Variants in TRPM3 observed in about 807,000 individuals in gnomAD.
TRPM3 encodes the protein transient receptor potential cation channel subfamily M member 3, also known as long transient receptor potential channel 3.
Under a neutral mutation model 181.2 loss-of-function variants are expected in TRPM3, and 77 were observed. The ratio of observed to expected loss-of-function variants is 0.42; its 90% CI spans 0.35 to 0.51. TRPM3 has a LOEUF of 0.51. Ranked by LOEUF, TRPM3 falls within the 20% of genes least tolerant of loss-of-function variation. The pLI is 0.01. For synonymous variants in TRPM3, 745 were observed against 796.4 expected (o/e 0.94, Z 1.09); for missense variants, 1,759 against 2,196.7 (o/e 0.80, Z 3.98).
intron 1 of TRPM3, among the ~76,000 whole-genome samples, chr9:71,257,170 AG>A (rs1388461666): frequency 6.6e-6 from 1 of 152,204 alleles, no homozygotes; most frequent in African/African-American, 2.4e-5. Context: ...GATGGACCAG[AG>A]GAGAAACCCT....
chr9:71,103,363 C>T (rs1193626154), intron 1 of TRPM3, among the ~76,000 whole-genome samples: 4 of 152,120 alleles, frequency 2.6e-5, no homozygotes, highest in Admixed American at 6.6e-5. Flanking sequence ...TCTCTTATTA[C>T]CTGAGTATCC....
chr9:70,910,432 G>T (rs1370870292), intron 1 of TRPM3, among the ~76,000 whole-genome samples: 1 of 152,140 alleles, frequency 6.6e-6, no homozygotes, highest in Non-Finnish European at 1.5e-5. Context: ...GATATTTAAG[G>T]TGCTGTCTGA....
chr9:71,054,636 G>A (rs977150271), intron 1 of TRPM3, among the ~76,000 whole-genome samples: 5 of 152,010 alleles, frequency 3.3e-5, no homozygotes, highest in Admixed American at 2.0e-4. Flanking sequence ...CTAAAACCAC[G>A]CCATATCTTT....
At chr9:70,903,034 A>G (rs1343783537) in intron 1 of TRPM3, among the ~76,000 whole-genome samples, 2 of 152,230 alleles carry the variant, frequency 1.3e-5, no homozygotes, top group East Asian at 3.9e-4. Flanking sequence ...GGATGTAAAG[A>G]TGTTATCCAC....
chr9:70,961,406 G>C (rs369022790), intron 1 of TRPM3, among the ~76,000 whole-genome samples: 1 of 152,104 alleles, frequency 6.6e-6, no homozygotes, highest in African/African-American at 2.4e-5. Flanking sequence ...GCAGTCATTT[G>C]TTACAGCAGC....
intron 1 of TRPM3, among the ~76,000 whole-genome samples, chr9:70,990,976 G>T (rs2097477866): frequency 6.6e-6 from 1 of 152,116 alleles, no homozygotes; most frequent in African/African-American, 2.4e-5. Context: ...AATAACTGTT[G>T]TTGCAATGTT....
At chr9:71,107,839 AT>A (rs1425748604) in intron 1 of TRPM3, among the ~76,000 whole-genome samples, 3 of 152,152 alleles carry the variant, frequency 2.0e-5, no homozygotes, top group Non-Finnish European at 4.4e-5. Context: ...AATCATAAAA[AT>A]TTTTTACCCC....
chr9:70,669,723 TTTC>T (rs1188722829), intron 9 of TRPM3, among the ~76,000 whole-genome samples: 1 of 146,572 alleles, frequency 6.8e-6, no homozygotes, highest in Admixed American at 6.8e-5. Flanking sequence ...TTTCTTTTCT[TTTC>T]TTTCTTTCTT....
intron 1 of TRPM3, among the ~76,000 whole-genome samples, chr9:70,994,012 G>A (rs188492288): frequency 7.9e-5 from 12 of 152,094 alleles, no homozygotes; most frequent in Non-Finnish European, 1.3e-4. Context: ...GGTACAACTA[G>A]GGAGTGAGAA....
intron 1 of TRPM3, among the ~76,000 whole-genome samples, chr9:71,020,677 T>C (rs1273731040): frequency 1.3e-5 from 2 of 152,128 alleles, no homozygotes; most frequent in East Asian, 1.9e-4. Flanking sequence ...CACAATGAGA[T>C]AAAAACATCT....
intron 1 of TRPM3, among the ~76,000 whole-genome samples, chr9:70,965,609 T>G (rs1366091222): frequency 1.3e-5 from 2 of 152,136 alleles, no homozygotes; most frequent in African/African-American, 2.4e-5. Flanking sequence ...GAACCAACCT[T>G]GCATCCCAGG....
At chr9:70,542,102 T>C (rs948457316) in intron 25 of TRPM3, among the ~76,000 whole-genome samples, 1 of 152,144 alleles carries the variant, frequency 6.6e-6, no homozygotes, top group Non-Finnish European at 1.5e-5. Flanking sequence ...GCCTGGGTGA[T>C]ATAGTGAGAC....
chr9:70,792,297 T>G (rs2085640594), intron 6 of TRPM3, among the ~76,000 whole-genome samples: 1 of 152,032 alleles, frequency 6.6e-6, no homozygotes. Context: ...ATGAAGCCTC[T>G]GTTAGTGGTG....
chr9:71,425,228 A>C lies in TRPM3; in HGVS notation c.183+21425T>G, dbSNP rs72735854. Among the ~76,000 whole-genome samples, 58 of 152,162 alleles carry C rather than the reference A, an allele frequency of 3.8e-4. 1 individual carries two copies. The South Asian group carries it at 0.011, about 29-fold the overall frequency. ...TAACATCATGTGTTCATGGGCTTTA[A>C]TATCACCCATAAACTGATAATACCC... On this transcript the variant is annotated intron_variant, in intron 1 of 24. Transcript: ENST00000357533.
chr9:70,780,180 T>C (rs1233813280), intron 7 of TRPM3, among the ~76,000 whole-genome samples: 1 of 152,184 alleles, frequency 6.6e-6, no homozygotes, highest in African/African-American at 2.4e-5. Flanking sequence ...TGTAAGGCTT[T>C]TTTTTACTCC....
At chr9:70,891,401 G>A (rs1015361104) in intron 1 of TRPM3, among the ~76,000 whole-genome samples, 4 of 152,240 alleles carry the variant, frequency 2.6e-5, no homozygotes, top group Middle Eastern at 3.4e-3. Context: ...GAAAAAAGCA[G>A]AATTATAAGC....
intron 6 of TRPM3, among the ~76,000 whole-genome samples, chr9:70,808,145 A>G (rs1399668015): frequency 6.6e-6 from 1 of 152,224 alleles, no homozygotes; most frequent in East Asian, 1.9e-4. Context: ...ATTGGGTTCC[A>G]TCAAGATAAC....
At chr9:70,809,391 A>G (rs146489905) in intron 6 of TRPM3, among the ~76,000 whole-genome samples, 454 of 152,344 alleles carry the variant, frequency 3.0e-3, no homozygotes, top group Non-Finnish European at 4.8e-3. Context: ...ACCCAGAGCA[A>G]CTTCCAGTCC....
intron 1 of TRPM3, among the ~76,000 whole-genome samples, chr9:71,009,304 T>C (rs1000546809): frequency 6.6e-6 from 1 of 152,104 alleles, no homozygotes; most frequent in African/African-American, 2.4e-5. Flanking sequence ...AGTTGAATGA[T>C]GCCAATTTGA....
Sources: gnomAD v4.1 joint callset for allele counts (sites outside exome capture counted in the v4.1 genomes callset) on GRCh38, gnomAD v4.1.1 for gene constraint, MANE v1.5 for transcripts, NCBI Gene and HGNC (gene_info 2026-07-23, HGNC 2026-07-21) for gene names.